The following FGF14 variants were observed in gnomAD, a reference collection of about 807,000 sequenced individuals.
The protein encoded by FGF14 is fibroblast growth factor 14, also known as fibroblast growth factor homologous factor 4.
A neutral mutation model predicts 25.5 loss-of-function variants in FGF14; 5 were observed. The ratio of observed to expected loss-of-function variants is 0.20; its 90% CI spans 0.10 to 0.41. The LOEUF is 0.41. Among genes scored for constraint, FGF14 ranks in the 10% least tolerant of loss-of-function variants. The pLI is 1.00. For missense variants in FGF14, 222 were observed against 320.1 expected, an observed-to-expected ratio of 0.69 and a Z score of 2.34; for synonymous variants, 138 against 118.3, an observed-to-expected ratio of 1.17 and a Z score of -1.08.
chr13:102,266,551 T>G (rs910733064), intron 1 of FGF14, among the ~76,000 whole-genome samples: 1 of 152,122 alleles, frequency 6.6e-6, no homozygotes, highest in Admixed American at 6.6e-5. Flanking sequence ...CCGCATTTTA[T>G]AAAAGAATTG....
chr13:102,344,824 T>C (rs1302343150), intron 1 of FGF14, among the ~76,000 whole-genome samples: 1 of 152,248 alleles, frequency 6.6e-6, no homozygotes, highest in African/African-American at 2.4e-5. Context: ...GCATTTTATA[T>C]AGATGAATCT....
At position 101,930,511 on chromosome 13, in the gene FGF14, T is replaced by C. The variant is rs930277260; in HGVS notation, c.209-55215A>G. Among the ~76,000 whole-genome samples the C allele has an allele frequency of 6.6e-5, 10 of 152,198 alleles. No individual in the cohort carries two copies. The South Asian group carries it at 8.3e-4, about 13-fold the overall frequency. On this transcript the variant is annotated intron_variant, in intron 1 of 4. Transcript: ENST00000376131. ...AATGCTCCATTTTCATAACATTCCT[T>C]ATGTGGTTACACAATCATTCAGCGA...
chr13:102,116,472 T>C (rs1395342197), intron 1 of FGF14, among the ~76,000 whole-genome samples: 1 of 152,134 alleles, frequency 6.6e-6, no homozygotes, highest in Non-Finnish European at 1.5e-5. Flanking sequence ...TACAATAGAA[T>C]GTTATTCTTC....
chr13:101,894,462 A>T (rs1267748226), intron 1 of FGF14, among the ~76,000 whole-genome samples: 2 of 152,148 alleles, frequency 1.3e-5, no homozygotes, highest in Non-Finnish European at 2.9e-5. Flanking sequence ...ACTGACTGAG[A>T]CTTATCCTTG....
chr13:102,390,268 G>T (rs1036449630), intron 1 of FGF14, among the ~76,000 whole-genome samples: 3 of 152,096 alleles, frequency 2.0e-5, no homozygotes, highest in Non-Finnish European at 2.9e-5. Flanking sequence ...TAGGGTAGTG[G>T]TTACAATGAT....
At chr13:101,918,572 G>A (rs1157880964), upstream of FGF14, among the ~76,000 whole-genome samples, 1 of 152,236 alleles carries the variant, frequency 6.6e-6, no homozygotes. Flanking sequence ...TTTGTCTCAG[G>A]AATAGGCAGT....
chr13:102,179,119 C>T (rs1480835970), intron 1 of FGF14, among the ~76,000 whole-genome samples: 2 of 152,142 alleles, frequency 1.3e-5, no homozygotes, highest in African/African-American at 4.8e-5. Flanking sequence ...ACAGACCAAA[C>T]AGCAGAGAAG....
intron 1 of FGF14, among the ~76,000 whole-genome samples, chr13:102,399,170 T>C (rs955015985): frequency 6.6e-6 from 1 of 152,042 alleles, no homozygotes; most frequent in Admixed American, 6.6e-5. Flanking sequence ...GGAGGAAGTG[T>C]AATAAGATTG....
intron 1 of FGF14, among the ~76,000 whole-genome samples, chr13:102,165,771 T>C (rs2047979008): frequency 6.6e-6 from 1 of 151,276 alleles, no homozygotes; most frequent in African/African-American, 2.4e-5. Context: ...GTATGTAACC[T>C]ACACGTTGTG....
At chr13:101,934,478 T>C (rs1054448084) in intron 1 of FGF14, among the ~76,000 whole-genome samples, 2 of 152,188 alleles carry the variant, frequency 1.3e-5, no homozygotes, top group Non-Finnish European at 2.9e-5. Flanking sequence ...AGGCAACTTT[T>C]TGGGGTGCTG....
At chr13:102,114,940 C>G (rs11619662) in intron 1 of FGF14, among the ~76,000 whole-genome samples, 1 of 151,958 alleles carries the variant, frequency 6.6e-6, no homozygotes, top group Non-Finnish European at 1.5e-5. Flanking sequence ...ATATATTGAA[C>G]ACTCACAAAT....
intron 1 of FGF14, among the ~76,000 whole-genome samples, chr13:102,363,646 A>G (rs2057628803): frequency 6.6e-6 from 1 of 152,202 alleles, no homozygotes; most frequent in African/African-American, 2.4e-5. Context: ...AGGAAAAACA[A>G]AAGGCATTTC....
chr13:102,283,171 T>C (rs1191151801), intron 1 of FGF14, among the ~76,000 whole-genome samples: 1 of 152,176 alleles, frequency 6.6e-6, no homozygotes, highest in Non-Finnish European at 1.5e-5. Flanking sequence ...GAAGGGGACA[T>C]ATTGCACTCT....
chr13:102,034,863 G>A (rs931729387), intron 1 of FGF14, among the ~76,000 whole-genome samples: 2 of 152,050 alleles, frequency 1.3e-5, no homozygotes, highest in African/African-American at 4.8e-5. Flanking sequence ...TATGAACAGA[G>A]TCTCACTTTG....
At chr13:101,793,104 T>TA (rs1201186416) in intron 3 of FGF14, among the ~76,000 whole-genome samples, 3 of 152,118 alleles carry the variant, frequency 2.0e-5, no homozygotes, top group Admixed American at 2.0e-4. Flanking sequence ...AACAGATCTA[T>TA]AAAAAATACT....
At chr13:101,933,368 AC>A in intron 1 of FGF14, among the ~76,000 whole-genome samples, 1 of 152,306 alleles carries the variant, frequency 6.6e-6, no homozygotes, top group Admixed American at 6.5e-5. Context: ...GTTATCCGGT[AC>A]AAGATTTGCT....
chr13:102,216,431 T>TAGA (rs2050374536), intron 1 of FGF14, among the ~76,000 whole-genome samples: 4 of 152,202 alleles, frequency 2.6e-5, no homozygotes, highest in Non-Finnish European at 5.9e-5. Flanking sequence ...GAATGTTACA[T>TAGA]GGAAGGCTCT....
intron 1 of FGF14, among the ~76,000 whole-genome samples, chr13:102,353,415 G>C (rs570512300): frequency 3.9e-5 from 6 of 152,114 alleles, no homozygotes; most frequent in Non-Finnish European, 7.4e-5. Flanking sequence ...CCAAAGCTGT[G>C]CCTCCAACCT....
At chr13:102,396,130 T>C (rs889185252) in intron 1 of FGF14, among the ~76,000 whole-genome samples, 7 of 152,158 alleles carry the variant, frequency 4.6e-5, no homozygotes, top group African/African-American at 1.7e-4. Context: ...ACACAAGTCC[T>C]AAGGAACACC....
Sources: gnomAD v4.1 joint callset for allele counts (sites outside exome capture counted in the v4.1 genomes callset) on GRCh38, gnomAD v4.1.1 for gene constraint, MANE v1.5 for transcripts, NCBI Gene and HGNC (gene_info 2026-07-23, HGNC 2026-07-21) for gene names.